Variants in H2AC17 observed in about 807,000 individuals in gnomAD.
The protein encoded by H2AC17 is H2A clustered histone 17.
Under a neutral mutation model 6.3 loss-of-function variants are expected in H2AC17, and 10 were observed. The observed-to-expected ratio is 1.58, with a 90% confidence interval of 0.97 to 2.68. H2AC17 has a LOEUF of 2.68. H2AC17 is among the 30% of genes most tolerant of loss of function. H2AC17 has a pLI of 0.00. For missense variants in H2AC17, 207 were observed against 176.0 expected (o/e 1.18, Z -1.00); for synonymous variants, 138 against 78.3 (o/e 1.76, Z -4.02).
chr6:27,892,820 A>G lies in H2AC17; in HGVS notation c.330T>C (p.Pro110=), dbSNP rs772846241. The G allele has an allele frequency of 1.9e-6, 3 of 1,614,090 alleles. No homozygotes were observed. Among genetic ancestry groups the G allele is most frequent in the South Asian group, 2.2e-5 (2 of 91,086 alleles). The change falls in exon 1 of 1, where the codon CCT becomes CCC. Residue 110 remains proline, a synonymous_variant. Coordinates refer to ENST00000359611, the MANE Select transcript of H2AC17 (RefSeq NM_003514.2). ...TGGGGAGCAGTACGGCCTGGATGTT[A>G]GGCAGAACACCGCCCTGAGCGATGG... ...KVTIAQGGVL[P]NIQAVLLPKK...
Position 27,892,971 on chromosome 6 carries a change from GT to G in H2AC17, c.178del (p.Thr60LeufsTer74). ...GCCCGCCAGCTCCAGGATCTCGGCAGTTAGGTACTCCAGCACCGCCGCCAGG... is the reference window on the plus strand; with the variant it reads ...GCCCGCCAGCTCCAGGATCTCGGCAGTAGGTACTCCAGCACCGCCGCCAGG... ...VYLAAVLEYL[T>X]AEILELAGNA... On this transcript the variant is annotated frameshift_variant, in exon 1 of 1. Coordinates refer to ENST00000359611, the MANE Select transcript of H2AC17 (RefSeq NM_003514.2). LOFTEE classifies it high-confidence loss of function. 1 of 1,614,218 alleles carries G rather than the reference GT, an allele frequency of 6.2e-7. No homozygotes were observed. The highest frequency in any genetic ancestry group is 2.2e-5 in the East Asian group (1 of 44,876).
Position 27,893,098 on chromosome 6 carries a change from G to T in H2AC17, c.52C>A (p.Arg18Ser). The change falls in exon 1 of 1, where the codon CGC becomes AGC. Residue 18 changes from arginine to serine, a missense_variant. Transcript: ENST00000359611. The part of the protein sequence containing the change: ...GGKARAKAKT[R>S]SSRAGLQFPV... Reference sequence around the variant, plus strand: ...AATTGGAGCCCAGCTCTAGAGGAGCGGGTTTTGGCCTTGGCGCGAGCCTTG... The same window carrying T: ...AATTGGAGCCCAGCTCTAGAGGAGCTGGTTTTGGCCTTGGCGCGAGCCTTG... 6.2e-7 allele frequency: 1 copy of T among 1,612,040 alleles called. No individual in the cohort carries two copies. The highest frequency in any genetic ancestry group is 1.1e-5 in the South Asian group (1 of 90,954).
At position 27,892,733 on chromosome 6, in the gene H2AC17, G is replaced by A. The variant is rs1014844489; in HGVS notation, c.*24C>T. The A allele has an allele frequency of 1.2e-6, 2 of 1,611,302 alleles. No individual in the cohort carries two copies. The highest frequency in any genetic ancestry group is 1.7e-5 in the Admixed American group (1 of 59,640). ...CTGAAAAGAGCCTTTTGTCTTGTAA[G>A]TTTACATTTTTAAAGTTCAGCCCTT... is the stretch of plus-strand genomic sequence containing the variant. On this transcript the variant is annotated 3_prime_UTR_variant, in exon 1 of 1. Transcript: ENST00000359611.
In H2AC17 at chr6:27,893,045, G is replaced by C; in HGVS notation, c.105C>G (p.Leu35=). The C allele has an allele frequency of 6.2e-7, 1 of 1,614,080 alleles. No individual in the cohort carries two copies. The highest frequency in any genetic ancestry group is 8.5e-7 in the Non-Finnish European group (1 of 1,179,994). Residue 35 remains leucine, a synonymous_variant, in exon 1 of 1, where the codon CTC becomes CTG. Coordinates refer to ENST00000359611, the MANE Select transcript of H2AC17 (RefSeq NM_003514.2). The part of the protein sequence containing the change: ...QFPVGRVHRL[L]RKGNYAERVG... ...CCCGCTCAGCGTAGTTGCCCTTGCG[G>C]AGCAGGCGGTGCACTCGTCCTACAG... is the stretch of plus-strand genomic sequence containing the variant.
rs1761930381 is a variant in H2AC17, at chr6:27,893,183, A to T, written c.-34T>A. On this transcript the variant is annotated 5_prime_UTR_variant, in exon 1 of 1. Coordinates refer to ENST00000359611, the MANE Select transcript of H2AC17 (RefSeq NM_003514.2). The stretch of plus-strand genomic sequence containing the variant: ...GACCTGTGGCCTAAGTCAGAAAGTG[A>T]GTGAAAGGAACCTACAGGGACGCGC... 1.3e-6 allele frequency: 2 copies of T among 1,541,064 alleles called. No homozygotes were observed. Among genetic ancestry groups the T allele is most frequent in the Non-Finnish European group, 1.7e-6 (2 of 1,148,240 alleles).
In H2AC17 at chr6:27,893,126, G is replaced by T. The variant is rs141992616; in HGVS notation, c.24C>A (p.Gly8=). The change falls in exon 1 of 1, where the codon GGC becomes GGA. Residue 8 remains glycine (G), a synonymous_variant. Transcript: ENST00000359611. ...TTTTGGCCTTGGCGCGAGCCTTGCC[G>T]CCCTGCTTGCCACGTCCAGACATGG... MSGRGKQ[G]GKARAKAKTR... The T allele has an allele frequency of 1.9e-5, 30 of 1,602,520 alleles. No individual in the cohort carries two copies. The African/African-American group carries it at 3.2e-4, about 17-fold the overall frequency.
Position 27,892,934 on chromosome 6 carries a change from G to T in H2AC17, c.216C>A (p.Arg72=). The change falls in exon 1 of 1, where the codon CGC becomes CGA. Residue 72 remains arginine (R), a synonymous_variant. Transcript: ENST00000359611. ...GGATGATGCGGGTCTTTTTGTTGTC[G>T]CGGGCTGCGTTGCCCGCCAGCTCCA... The part of the protein sequence containing the change: ...EILELAGNAA[R]DNKKTRIIPR... 6.2e-7 allele frequency: 1 copy of T among 1,614,180 alleles called. No individual in the cohort carries two copies. Among genetic ancestry groups the T allele is most frequent in the Non-Finnish European group, 8.5e-7 (1 of 1,180,034 alleles).
chr6:27,893,051 G>A lies in H2AC17; in HGVS notation c.99C>T (p.Arg33=). 2.5e-6 allele frequency: 4 copies of A among 1,614,106 alleles called. No homozygotes were observed. Among genetic ancestry groups the A allele is most frequent in the Non-Finnish European group, 3.4e-6 (4 of 1,179,996 alleles). The change falls in exon 1 of 1, where the codon CGC becomes CGT. Residue 33 remains arginine, a synonymous_variant. Transcript: ENST00000359611. ...CAGCGTAGTTGCCCTTGCGGAGCAG[G>A]CGGTGCACTCGTCCTACAGGAAATT... is the stretch of plus-strand genomic sequence containing the variant. ...GLQFPVGRVH[R]LLRKGNYAER...
In H2AC17 at chr6:27,893,151, G is replaced by A. The variant is rs1761929026; in HGVS notation, c.-2C>T. The A allele has an allele frequency of 4.4e-6, 7 of 1,579,418 alleles. No homozygotes were observed. Among genetic ancestry groups the A allele is most frequent in the Non-Finnish European group, 6.0e-6 (7 of 1,164,346 alleles). Reference sequence around the variant, plus strand: ...GCCCTGCTTGCCACGTCCAGACATGGTAAAACGACCTGTGGCCTAAGTCAG... The same window carrying A: ...GCCCTGCTTGCCACGTCCAGACATGATAAAACGACCTGTGGCCTAAGTCAG... On this transcript the variant is annotated 5_prime_UTR_variant, in exon 1 of 1. Transcript: ENST00000359611.
At position 27,893,184 on chromosome 6, in the gene H2AC17, G is replaced by A. The variant is rs778682780; in HGVS notation, c.-35C>T. The A allele has an allele frequency of 7.1e-6, 11 of 1,541,302 alleles. No individual in the cohort carries two copies. In the Admixed American group the frequency reaches 1.7e-4, roughly 24 times the overall value. On this transcript the variant is annotated 5_prime_UTR_variant, in exon 1 of 1. Coordinates refer to ENST00000359611, the MANE Select transcript of H2AC17 (RefSeq NM_003514.2). ...ACCTGTGGCCTAAGTCAGAAAGTGA[G>A]TGAAAGGAACCTACAGGGACGCGCA...
rs1032705674 is a variant in H2AC17, at chr6:27,892,847, A to C, written c.303T>G (p.Val101=). ...GCAGAACACCGCCCTGAGCGATGGT[A>C]ACTTTACCAAGCAGCTTGTTGAGCT... ...DEELNKLLGK[V]TIAQGGVLPN... Residue 101 remains valine, a synonymous_variant, in exon 1 of 1, where the codon GTT becomes GTG. Coordinates refer to ENST00000359611, the MANE Select transcript of H2AC17 (RefSeq NM_003514.2). 8.1e-6 allele frequency: 13 copies of C among 1,614,222 alleles called. No homozygotes were observed. The highest frequency in any genetic ancestry group is 9.3e-6 in the Non-Finnish European group (11 of 1,180,040).
Position 27,893,028 on chromosome 6 carries a change from G to C in H2AC17, c.122C>G (p.Ala41Gly), listed in dbSNP as rs745549711. 5.6e-6 allele frequency: 9 copies of C among 1,614,072 alleles called. No homozygotes were observed. Among genetic ancestry groups the C allele is most frequent in the Admixed American group, 1.7e-5 (1 of 60,022 alleles). ...CGGCGCGCCGGCCCCGACCCGCTCA[G>C]CGTAGTTGCCCTTGCGGAGCAGGCG... is the stretch of plus-strand genomic sequence containing the variant. ...VHRLLRKGNY[A>G]ERVGAGAPVY... is the part of the protein sequence containing the mutation. Residue 41 changes from alanine to glycine, a missense_variant, in exon 1 of 1, where the codon GCT becomes GGT. By Grantham distance (60) the Ala-to-Gly change is moderately conservative. This residue lies in a region of H2AC17 where 148 missense variants were observed against 106.0 expected (regional missense o/e 1.40). Transcript: ENST00000359611.
At position 27,893,185 on chromosome 6, in the gene H2AC17, T is replaced by C. The variant is rs752287651; in HGVS notation, c.-36A>G. The C allele has an allele frequency of 1.9e-6, 3 of 1,539,444 alleles. No individual in the cohort carries two copies. The highest frequency in any genetic ancestry group is 1.7e-6 in the Non-Finnish European group (2 of 1,147,378). On this transcript the variant is annotated 5_prime_UTR_variant, in exon 1 of 1. Coordinates refer to ENST00000359611, the MANE Select transcript of H2AC17 (RefSeq NM_003514.2). The stretch of plus-strand genomic sequence containing the variant: ...CCTGTGGCCTAAGTCAGAAAGTGAG[T>C]GAAAGGAACCTACAGGGACGCGCAT...
In H2AC17 at chr6:27,892,866, T is replaced by C; in HGVS notation, c.284A>G (p.Asn95Ser). 1 of 1,614,246 alleles carries C rather than the reference T, an allele frequency of 6.2e-7. No individual in the cohort carries two copies. Among genetic ancestry groups the C allele is most frequent in the South Asian group, 1.1e-5 (1 of 91,092 alleles). The change falls in exon 1 of 1, where the codon AAC becomes AGC. Residue 95 changes from asparagine (N) to serine (S), a missense_variant. This residue lies in a region of H2AC17 where 53 missense variants were observed against 47.3 expected (regional missense o/e 1.12). Transcript: ENST00000359611. ...GATGGTAACTTTACCAAGCAGCTTG[T>C]TGAGCTCCTCGTCGTTGCGGATGGC... is the stretch of plus-strand genomic sequence containing the variant. Reference protein sequence around the residue: ...QLAIRNDEELNKLLGKVTIAQ... With the variant: ...QLAIRNDEELSKLLGKVTIAQ...
In H2AC17 at chr6:27,892,749, T is replaced by C. The variant is rs760014617; in HGVS notation, c.*8A>G. On this transcript the variant is annotated 3_prime_UTR_variant, in exon 1 of 1. Coordinates refer to ENST00000359611, the MANE Select transcript of H2AC17 (RefSeq NM_003514.2). ...GTCTTGTAAGTTTACATTTTTAAAG[T>C]TCAGCCCTTACTTGCCCTTAGCTTT... 3 of 1,613,200 alleles carry C rather than the reference T, an allele frequency of 1.9e-6. No homozygotes were observed. Among genetic ancestry groups the C allele is most frequent in the Non-Finnish European group, 2.5e-6 (3 of 1,179,958 alleles).
Position 27,892,748 on chromosome 6 carries a change from G to A in H2AC17, c.*9C>T. On this transcript the variant is annotated 3_prime_UTR_variant, in exon 1 of 1. Transcript: ENST00000359611. The stretch of plus-strand genomic sequence containing the variant: ...TGTCTTGTAAGTTTACATTTTTAAA[G>A]TTCAGCCCTTACTTGCCCTTAGCTT... 2 of 1,613,982 alleles carry A rather than the reference G, an allele frequency of 1.2e-6. No homozygotes were observed. Among genetic ancestry groups the A allele is most frequent in the East Asian group, 2.2e-5 (1 of 44,890 alleles).
chr6:27,892,719 C>T lies in H2AC17; in HGVS notation c.*38G>A. ...AATGGTGGGTGGCTCTGAAAAGAGC[C>T]TTTTGTCTTGTAAGTTTACATTTTT... On this transcript the variant is annotated 3_prime_UTR_variant, in exon 1 of 1. Coordinates refer to ENST00000359611, the MANE Select transcript of H2AC17 (RefSeq NM_003514.2). The T allele has an allele frequency of 6.2e-7, 1 of 1,610,544 alleles. No homozygotes were observed. The highest frequency in any genetic ancestry group is 8.5e-7 in the Non-Finnish European group (1 of 1,178,162).
In H2AC17 at chr6:27,892,769, A is replaced by C. The variant is rs780031068; in HGVS notation, c.381T>G (p.Ala127=). The C allele has an allele frequency of 6.2e-7, 1 of 1,613,920 alleles. No homozygotes were observed. The highest frequency in any genetic ancestry group is 8.5e-7 in the Non-Finnish European group (1 of 1,180,016). The change falls in exon 1 of 1, where the codon GCT becomes GCG. Residue 127 remains alanine, a synonymous_variant. Transcript: ENST00000359611. ...LPKKTESHHK[A]KGK ...TAAAGTTCAGCCCTTACTTGCCCTT[A>C]GCTTTGTGGTGGCTCTCAGTCTTCT...
At position 27,892,997 on chromosome 6, in the gene H2AC17, G is replaced by A. The variant is rs1761922165; in HGVS notation, c.153C>T (p.Tyr51=). 1 of 1,614,120 alleles carries A rather than the reference G, an allele frequency of 6.2e-7. No individual in the cohort carries two copies. Among genetic ancestry groups the A allele is most frequent in the Non-Finnish European group, 8.5e-7 (1 of 1,180,014 alleles). ...AERVGAGAPV[Y]LAAVLEYLTA... ...TTAGGTACTCCAGCACCGCCGCCAG[G>A]TAAACCGGCGCGCCGGCCCCGACCC... is the stretch of plus-strand genomic sequence containing the variant. The change falls in exon 1 of 1, where the codon TAC becomes TAT. Residue 51 remains tyrosine (Y), a synonymous_variant. Transcript: ENST00000359611.
Sources: allele counts gnomAD v4.1 joint callset, GRCh38; gene constraint gnomAD v4.1.1; regional missense constraint gnomAD v4.1.1; transcripts MANE v1.5; gene names NCBI Gene and HGNC (gene_info 2026-07-23, HGNC 2026-07-21).